NCOA7: variants seen among roughly 807,000 people sequenced by gnomAD.
NCOA7 encodes nuclear receptor coactivator 7.
NCOA7 carries 45 observed loss-of-function variants against 104.3 expected under a neutral mutation model. The ratio of observed to expected loss-of-function variants is 0.43; its 90% CI spans 0.34 to 0.55. The LOEUF (loss-of-function observed/expected upper bound fraction) is 0.55. Ranked by LOEUF, NCOA7 falls within the 20% of genes least tolerant of loss-of-function variation. The probability of loss-of-function intolerance (pLI) is 0.02; values close to 1 mark genes in which losing one functional copy is unlikely to be tolerated. For synonymous variants in NCOA7, 398 were observed against 402.3 expected (o/e 0.99, Z 0.13); for missense variants, 1,041 against 1,119.7 (o/e 0.93, Z 1.00).
intron 10 of NCOA7, among the ~76,000 whole-genome samples, chr6:125,905,149 A>G (rs1329591480): frequency 5.3e-5 from 8 of 152,104 alleles, no homozygotes; most frequent in Admixed American, 5.2e-4. Context: ...CCATTGACAG[A>G]CCTGCCAAGG....
intron 13 of NCOA7, among the ~76,000 whole-genome samples, chr6:125,923,856 A>G (rs1229540696): frequency 6.6e-6 from 1 of 152,224 alleles, no homozygotes; most frequent in Non-Finnish European, 1.5e-5. Context: ...CTTTGCTGTC[A>G]TGATTTGCCT....
chr6:125,829,261 T>C (rs1778931546), intron 2 of NCOA7, among the ~76,000 whole-genome samples: 1 of 152,214 alleles, frequency 6.6e-6, no homozygotes, highest in Non-Finnish European at 1.5e-5. Context: ...TCAATTTTTT[T>C]AGTAGAACTT....
intron 7 of NCOA7, among the ~76,000 whole-genome samples, chr6:125,883,713 C>CT (rs35489978): frequency 0.011 from 929 of 85,778 alleles, 7 homozygotes; most frequent in Middle Eastern, 0.019. Context: ...ACCTACACCT[C>CT]TTTTTTTTTT....
In NCOA7 at chr6:125,881,169, C is replaced by T. The variant is rs144053168; in HGVS notation, c.539C>T (p.Pro180Leu). 1,615 of 1,613,666 alleles carry T rather than the reference C, an allele frequency of 1.0e-3. 3 individuals carry two copies. Among genetic ancestry groups the T allele is most frequent in the Non-Finnish European group, 1.2e-3 (1,440 of 1,179,658 alleles). The change falls in exon 6 of 16, where the codon CCT (proline) becomes CTT (leucine). Residue 180 changes from proline to leucine, a missense_variant. Around this residue, in one of 2 missense-constraint regions of NCOA7, gnomAD observed 914 missense variants for 942.7 expected, o/e 0.97. Coordinates refer to ENST00000392477, the MANE Select transcript of NCOA7 (RefSeq NM_181782.5). The stretch of plus-strand genomic sequence containing the variant: ...TCCAGTCCTGGTGCTACTGTCTCTC[C>T]TTCATCATCAGATGCAGAATATGAT... ...SSSSPGATVS[P>L]SSSDAEYDKL...
intron 1 of NCOA7, among the ~76,000 whole-genome samples, chr6:125,809,330 G>A (rs1776752395): frequency 6.6e-6 from 1 of 152,084 alleles, no homozygotes. Context: ...CACCAGGCAT[G>A]TGCCACCACG....
chr6:125,864,544 TCCCA>T (rs1412769926), intron 3 of NCOA7, among the ~76,000 whole-genome samples: 1 of 135,364 alleles, frequency 7.4e-6, no homozygotes, highest in Non-Finnish European at 1.6e-5. Flanking sequence ...AAATCCTACT[TCCCA>T]ACGTGATAGT....
At chr6:125,848,488 A>C (rs545416329) in intron 2 of NCOA7, among the ~76,000 whole-genome samples, 2 of 152,206 alleles carry the variant, frequency 1.3e-5, no homozygotes, top group Non-Finnish European at 2.9e-5. Context: ...GGATGAGTTC[A>C]TATCCTTTAC....
chr6:125,906,978 A>T (rs1786068103), intron 10 of NCOA7, among the ~76,000 whole-genome samples: 1 of 152,198 alleles, frequency 6.6e-6, no homozygotes, highest in African/African-American at 2.4e-5. Flanking sequence ...GAGCGGAAGG[A>T]TTGCTGGGAA....
At chr6:125,860,117 C>T (rs1781915178) in intron 3 of NCOA7, among the ~76,000 whole-genome samples, 1 of 152,132 alleles carries the variant, frequency 6.6e-6, no homozygotes, top group Non-Finnish European at 1.5e-5. Flanking sequence ...CCCTTTCGTG[C>T]TTTCATTTGT....
At chr6:125,878,992 T>C (rs115850521) in intron 5 of NCOA7, among the ~76,000 whole-genome samples, 1 of 152,182 alleles carries the variant, frequency 6.6e-6, no homozygotes, top group African/African-American at 2.4e-5. Flanking sequence ...GTTCAGACAA[T>C]TGAATCGCAA....
chr6:125,879,790 A>T (rs1326494827), intron 5 of NCOA7, among the ~76,000 whole-genome samples: 1 of 152,192 alleles, frequency 6.6e-6, no homozygotes, highest in South Asian at 2.1e-4. Flanking sequence ...TGAGGTCAGG[A>T]CTTCAAGGAC....
chr6:125,906,725 A>G (rs1337018029), intron 10 of NCOA7, among the ~76,000 whole-genome samples: 1 of 152,130 alleles, frequency 6.6e-6, no homozygotes, highest in East Asian at 1.9e-4. Flanking sequence ...GCCAGGAGAA[A>G]GATGTGGTTT....
chr6:125,879,140 A>T (rs927632121), intron 5 of NCOA7, among the ~76,000 whole-genome samples: 2 of 152,224 alleles, frequency 1.3e-5, no homozygotes, highest in Admixed American at 1.3e-4. Flanking sequence ...ATATACCAAG[A>T]TCACAAAATT....
chr6:125,871,986 G>C (rs1562951713), intron 3 of NCOA7, among the ~76,000 whole-genome samples: 4 of 134,832 alleles, frequency 3.0e-5, no homozygotes, highest in African/African-American at 1.2e-4. Flanking sequence ...GACAGAGGGA[G>C]ACCCTGTCTC....
At chr6:125,927,826 C>A in intron 14 of NCOA7, 68 bp downstream of exon 14, 1 of 1,275,876 alleles carries the variant, frequency 7.8e-7, no homozygotes, top group Non-Finnish European at 1.1e-6. Context: ...AGGGGATAGG[C>A]ATTGGGGCAG....
Position 125,851,705 on chromosome 6 carries a change from C to G in NCOA7, c.51-3315C>G, listed in dbSNP as rs540108909. Reference sequence around the variant, plus strand: ...CAAATGTTGTACTAATTTATATTCCCACCAGCAATGTATAAGTGTTCCCTT... The same window carrying G: ...CAAATGTTGTACTAATTTATATTCCGACCAGCAATGTATAAGTGTTCCCTT... On this transcript the variant is annotated intron_variant, in intron 2 of 15. Transcript: ENST00000392477. Among the ~76,000 whole-genome samples, 11 of 152,262 alleles carry G rather than the reference C, an allele frequency of 7.2e-5. No homozygotes were observed. The East Asian group carries it at 1.9e-3, about 27-fold the overall frequency.
intron 3 of NCOA7, among the ~76,000 whole-genome samples, chr6:125,866,915 T>C (rs1782487995): frequency 6.6e-6 from 1 of 152,232 alleles, no homozygotes; most frequent in South Asian, 2.1e-4. Context: ...TGGTTTTCAA[T>C]TTGGAAACTG....
chr6:125,846,338 T>C (rs1352487599), intron 2 of NCOA7, among the ~76,000 whole-genome samples: 1 of 145,810 alleles, frequency 6.9e-6, no homozygotes, highest in Non-Finnish European at 1.5e-5. Flanking sequence ...ATGGTTTAGT[T>C]TGGATATAAA....
chr6:125,809,339 C>T (rs570181628), intron 1 of NCOA7, among the ~76,000 whole-genome samples: 6 of 152,198 alleles, frequency 3.9e-5, no homozygotes, highest in African/African-American at 1.4e-4. Context: ...TGTGCCACCA[C>T]GTCTGGCTAC....
Sources: gnomAD v4.1 joint callset for allele counts (sites outside exome capture counted in the v4.1 genomes callset) on GRCh38, gnomAD v4.1.1 for gene constraint, gnomAD v4.1.1 regional missense constraint, MANE v1.5 for transcripts, NCBI Gene and HGNC (gene_info 2026-07-23, HGNC 2026-07-21) for gene names.